Variants in EXOC6B observed in about 807,000 individuals in gnomAD.
EXOC6B encodes the protein exocyst complex component 6B, also known as SEC15 homolog B.
Under a neutral mutation model 113.5 loss-of-function variants are expected in EXOC6B, and 54 were observed. The observed-to-expected ratio is 0.48, with a 90% CI of 0.38 to 0.60. EXOC6B has a LOEUF of 0.60. Ranked by LOEUF, EXOC6B falls within the 20% of genes least tolerant of loss-of-function variation. The probability of loss-of-function intolerance (pLI) is 0.00; values close to 1 mark genes in which losing one functional copy is unlikely to be tolerated. For missense variants in EXOC6B, 797 were observed against 977.5 expected, an observed-to-expected ratio of 0.82 and a Z score of 2.46; for synonymous variants, 357 against 339.0, an observed-to-expected ratio of 1.05 and a Z score of -0.58.
chr2:72,289,446 C>CA (rs1685650286), intron 20 of EXOC6B, among the ~76,000 whole-genome samples: 1 of 152,120 alleles, frequency 6.6e-6, no homozygotes, highest in Admixed American at 6.5e-5. Flanking sequence ...TCATGAGTAG[C>CA]AGCCAGTGGA....
chr2:72,612,503 A>T (rs1453667586), intron 6 of EXOC6B, among the ~76,000 whole-genome samples: 1 of 152,154 alleles, frequency 6.6e-6, no homozygotes, highest in African/African-American at 2.4e-5. Flanking sequence ...TAAAAAAAAA[A>T]ATCACATTTT....
chr2:72,653,511 C>T (rs1263344105), intron 6 of EXOC6B, among the ~76,000 whole-genome samples: 1 of 148,890 alleles, frequency 6.7e-6, no homozygotes, highest in African/African-American at 2.5e-5. Flanking sequence ...ACATATGTAA[C>T]TAACCTGCAC....
intron 19 of EXOC6B, among the ~76,000 whole-genome samples, chr2:72,352,683 A>T (rs10190674): frequency 0.13 from 19,069 of 151,448 alleles, 1,397 homozygotes; most frequent in African/African-American, 0.2. Flanking sequence ...GCATATTTTT[A>T]AAAATGTCTT....
chr2:72,265,317 T>C (rs1684002425), intron 20 of EXOC6B, among the ~76,000 whole-genome samples: 1 of 151,116 alleles, frequency 6.6e-6, no homozygotes, highest in South Asian at 2.1e-4. Flanking sequence ...GTTAGTTACA[T>C]ATGTATACAT....
At chr2:72,190,180 C>G (rs1427967197) in intron 20 of EXOC6B, among the ~76,000 whole-genome samples, 2 of 151,864 alleles carry the variant, frequency 1.3e-5, no homozygotes, top group Admixed American at 6.6e-5. Flanking sequence ...TACAGGCACA[C>G]ACCACTATGA....
rs573308409 is a variant in EXOC6B at position 72,413,553 on chromosome 2, C to T, written c.1981-33683G>A. On this transcript the variant is annotated intron_variant, in intron 18 of 21. Transcript: ENST00000272427. ...CAAAAATTAGCTGGGTGTAGTGGTA[C>T]GCACCTGTAATCCCAGCTACTCCGG... Among the ~76,000 whole-genome samples, 123 of 151,314 alleles carry T rather than the reference C, an allele frequency of 8.1e-4. 2 individuals are homozygous for T. The highest frequency in any genetic ancestry group is 4.7e-4 in the Non-Finnish European group (32 of 67,792).
rs1486831209 is a variant in EXOC6B at position 72,606,319 on chromosome 2, A to G, written c.670-30651T>C. Among the ~76,000 whole-genome samples the G allele has an allele frequency of 8.5e-5, 13 of 152,160 alleles. 1 individual carries two copies. The highest frequency in any genetic ancestry group is 1.5e-5 in the Non-Finnish European group (1 of 68,006). On this transcript the variant is annotated intron_variant, in intron 6 of 21. Coordinates refer to ENST00000272427, the MANE Select transcript of EXOC6B (RefSeq NM_015189.3). ...TTATATACCACCACTGCATATATAT[A>G]TATACATATGCCATAAGTTAACAAG...
intron 6 of EXOC6B, among the ~76,000 whole-genome samples, chr2:72,638,077 G>C (rs1475971433): frequency 3.3e-5 from 5 of 152,036 alleles, no homozygotes; most frequent in African/African-American, 1.2e-4. Flanking sequence ...GGAAAACTTG[G>C]TTTTCTGAAA....
chr2:72,212,551 T>A (rs1680260278), intron 20 of EXOC6B, among the ~76,000 whole-genome samples: 1 of 152,184 alleles, frequency 6.6e-6, no homozygotes, highest in African/African-American at 2.4e-5. Flanking sequence ...TAAAACGCCT[T>A]TAACTTAATA....
chr2:72,473,157 G>A (rs927286341), intron 17 of EXOC6B, among the ~76,000 whole-genome samples: 2 of 152,106 alleles, frequency 1.3e-5, no homozygotes, highest in Non-Finnish European at 1.5e-5. Flanking sequence ...TTCTGTTATT[G>A]TTGGGTAAGA....
At chr2:72,253,872 T>A (rs1683176676) in intron 20 of EXOC6B, among the ~76,000 whole-genome samples, 1 of 152,080 alleles carries the variant, frequency 6.6e-6, no homozygotes, top group Non-Finnish European at 1.5e-5. Context: ...GAAAAAAAGA[T>A]ATGTTCGGCT....
intron 6 of EXOC6B, among the ~76,000 whole-genome samples, chr2:72,663,022 C>G (rs542563781): frequency 2.0e-5 from 3 of 152,188 alleles, no homozygotes; most frequent in African/African-American, 7.2e-5. Flanking sequence ...CCCGGCCTAG[C>G]CATTTCTTAA....
chr2:72,393,609 T>A (rs1692527416), intron 18 of EXOC6B, among the ~76,000 whole-genome samples: 1 of 152,204 alleles, frequency 6.6e-6, no homozygotes, highest in South Asian at 2.1e-4. Context: ...AATGAATCTT[T>A]TTAATTTACT....
intron 6 of EXOC6B, among the ~76,000 whole-genome samples, chr2:72,612,014 G>A (rs549499503): frequency 6.6e-6 from 1 of 152,238 alleles, no homozygotes; most frequent in East Asian, 1.9e-4. Flanking sequence ...CAGGCGTGGT[G>A]GCCCACGCCT....
intron 20 of EXOC6B, among the ~76,000 whole-genome samples, chr2:72,300,803 C>T (rs577551757): frequency 1.3e-5 from 2 of 152,276 alleles, no homozygotes; most frequent in South Asian, 2.1e-4. Context: ...ACCCCTTGCA[C>T]TTCCTGGGTG....
chr2:72,793,622 C>A (rs1684796280), intron 1 of EXOC6B, among the ~76,000 whole-genome samples: 1 of 152,026 alleles, frequency 6.6e-6, no homozygotes, highest in Non-Finnish European at 1.5e-5. Flanking sequence ...TTGAACGAGG[C>A]CTTGAAAAGT....
rs191415820 is a variant in EXOC6B at position 72,266,886 on chromosome 2, G to C, written c.2196+68061C>G. Reference sequence around the variant, plus strand: ...CACGATATTCATTCTTCCTACCCATGAGCATAGAATGTTCTTCCATTTGTT... The same window carrying C: ...CACGATATTCATTCTTCCTACCCATCAGCATAGAATGTTCTTCCATTTGTT... On this transcript the variant is annotated intron_variant, in intron 20 of 21. Transcript: ENST00000272427. Among the ~76,000 whole-genome samples the C allele has an allele frequency of 5.0e-3, 758 of 152,276 alleles. 8 individuals are homozygous for C. Among genetic ancestry groups the C allele is most frequent in the African/African-American group, 0.017 (726 of 41,556 alleles).
intron 19 of EXOC6B, among the ~76,000 whole-genome samples, chr2:72,355,392 G>A (rs536949091): frequency 2.8e-4 from 43 of 152,184 alleles, no homozygotes; most frequent in African/African-American, 9.4e-4. Flanking sequence ...AAAGATTGGC[G>A]ACTCAAATCC....
At chr2:72,651,073 C>T (rs748504308) in intron 6 of EXOC6B, among the ~76,000 whole-genome samples, 1 of 152,136 alleles carries the variant, frequency 6.6e-6, no homozygotes, top group African/African-American at 2.4e-5. Context: ...CAGTCAATAA[C>T]AGCAATAAAG....
Sources: allele counts gnomAD v4.1 joint callset (sites outside exome capture counted in the v4.1 genomes callset), GRCh38; gene constraint gnomAD v4.1.1; transcripts MANE v1.5; gene names NCBI Gene and HGNC (gene_info 2026-07-23, HGNC 2026-07-21).